Variants in RIGI observed in about 807,000 individuals in gnomAD.
The protein encoded by RIGI is antiviral innate immune response receptor RIG-I.
At chr9:32,468,869 T>C in the RIGI span, among the ~76,000 whole-genome samples, 1 of 152,206 alleles carries the variant, frequency 6.6e-6, no homozygotes, top group African/African-American at 2.4e-5. Context: ...TGTTTCTCTA[T>C]GAAAGAGGCA....
At chr9:32,525,967 G>T in the RIGI span, 1 of 978,784 alleles carries the variant, frequency 1.0e-6, no homozygotes. Flanking sequence ...GAGTCTGGCA[G>T]GCTCTCTGCA....
At chr9:32,469,367 G>A in the RIGI span, among the ~76,000 whole-genome samples, 2 of 152,186 alleles carry the variant, frequency 1.3e-5, no homozygotes, top group Admixed American at 1.3e-4. Context: ...AACTATGTTG[G>A]GCCAATCCAA....
At chr9:32,491,733 AAG>A in the RIGI span, among the ~76,000 whole-genome samples, 2 of 151,314 alleles carry the variant, frequency 1.3e-5, no homozygotes. Flanking sequence ...AAAAAAAAAA[AAG>A]AGCATGATTT....
At chr9:32,490,187 G>A in the RIGI span, among the ~76,000 whole-genome samples, 13 of 152,056 alleles carry the variant, frequency 8.5e-5, no homozygotes, top group Admixed American at 2.0e-4. Context: ...CAGCCTGGCC[G>A]ACATGCTGAA....
the RIGI span, among the ~76,000 whole-genome samples, chr9:32,525,011 G>A: frequency 2.6e-5 from 4 of 152,226 alleles, no homozygotes; most frequent in East Asian, 5.8e-4. Context: ...TTTGCTGAGC[G>A]CCTCACTCCC....
At chr9:32,457,009 T>C in the RIGI span, 6 of 802,138 alleles carry the variant, frequency 7.5e-6, no homozygotes, top group Non-Finnish European at 1.2e-5. Context: ...AAGATATTTT[T>C]AAAAAATATA....
At chr9:32,488,240 A>G in the RIGI span, 1 of 1,597,482 alleles carries the variant, frequency 6.3e-7, no homozygotes, top group South Asian at 1.1e-5. Flanking sequence ...ACTAACCACG[A>G]TGTGGATAAG....
At chr9:32,494,509 G>A in the RIGI span, among the ~76,000 whole-genome samples, 3 of 151,940 alleles carry the variant, frequency 2.0e-5, no homozygotes, top group East Asian at 5.8e-4. Context: ...TACATAAGAT[G>A]TTCAACCTCA....
At chr9:32,482,187 T>TTGTGTGTGTGTGTG in the RIGI span, among the ~76,000 whole-genome samples, 3 of 144,958 alleles carry the variant, frequency 2.1e-5, no homozygotes, top group African/African-American at 7.6e-5. Context: ...GTGTGTTTGT[T>TTGTGTGTGTGTGTG]TGTGTGTGTG....
the RIGI span, among the ~76,000 whole-genome samples, chr9:32,458,954 A>G: frequency 1.4e-5 from 2 of 145,358 alleles, no homozygotes; most frequent in Non-Finnish European, 3.0e-5. Flanking sequence ...CAGTGGCGCG[A>G]TATCAGCTCA....
At chr9:32,517,132 G>A in the RIGI span, among the ~76,000 whole-genome samples, 1 of 152,224 alleles carries the variant, frequency 6.6e-6, no homozygotes, top group Non-Finnish European at 1.5e-5. Flanking sequence ...GGCCTGGTGA[G>A]TAGTTTCCAC....
the RIGI span, among the ~76,000 whole-genome samples, chr9:32,501,628 G>A: frequency 6.6e-6 from 1 of 152,144 alleles, no homozygotes; most frequent in Non-Finnish European, 1.5e-5. Flanking sequence ...CATGCCCAGG[G>A]AGTAGTAATA....
chr9:32,479,424 C>T, the RIGI span, among the ~76,000 whole-genome samples: 1 of 152,110 alleles, frequency 6.6e-6, no homozygotes, highest in Middle Eastern at 3.2e-3. Flanking sequence ...GCACTAATTA[C>T]CTTTGGGAAA....
At chr9:32,473,987 C>T in the RIGI span, among the ~76,000 whole-genome samples, 1 of 152,204 alleles carries the variant, frequency 6.6e-6, no homozygotes, top group South Asian at 2.1e-4. Context: ...GAGGTTGTGC[C>T]ACTGCACTCC....
At chr9:32,507,105 T>C in the RIGI span, among the ~76,000 whole-genome samples, 13 of 152,326 alleles carry the variant, frequency 8.5e-5, no homozygotes, top group East Asian at 2.5e-3. Context: ...CTAACAGTAA[T>C]TTAATACCAT....
At chr9:32,463,955 C>G in the RIGI span, among the ~76,000 whole-genome samples, 1 of 133,298 alleles carries the variant, frequency 7.5e-6, no homozygotes, top group Non-Finnish European at 1.6e-5. Context: ...TGAAACACCA[C>G]CAAATCCTGA....
At chr9:32,522,079 C>T in the RIGI span, among the ~76,000 whole-genome samples, 1 of 152,074 alleles carries the variant, frequency 6.6e-6, no homozygotes, top group Admixed American at 6.6e-5. Flanking sequence ...AATTAGAGTC[C>T]CTCTTAATTA....
the RIGI span, among the ~76,000 whole-genome samples, chr9:32,496,343 G>A: frequency 6.6e-6 from 1 of 152,114 alleles, no homozygotes; most frequent in South Asian, 2.1e-4. Flanking sequence ...CATTACTTTT[G>A]GGTGTGTCTG....
chr9:32,497,625 T>C, the RIGI span, among the ~76,000 whole-genome samples: 1 of 152,164 alleles, frequency 6.6e-6, no homozygotes, highest in Admixed American at 6.5e-5. Context: ...CGAGCACCTG[T>C]AGTCCCAGCT....
Sources: allele counts gnomAD v4.1 joint callset (sites outside exome capture counted in the v4.1 genomes callset), GRCh38; gene constraint gnomAD v4.1.1; transcripts MANE v1.5; gene names NCBI Gene and HGNC (gene_info 2026-07-23, HGNC 2026-07-21).